The following PHC3 variants were observed in gnomAD, a reference collection of about 807,000 sequenced individuals.
The protein encoded by PHC3 is polyhomeotic-like protein 3.
In PHC3, 13 loss-of-function variants were observed where a neutral mutation model predicts 107.4. The ratio of observed to expected loss-of-function variants is 0.12; its 90% CI spans 0.08 to 0.19. The LOEUF is 0.19. PHC3 is among the 10% of genes least tolerant of loss of function. The pLI, the probability that PHC3 is intolerant of heterozygous loss-of-function variation, is 1.00. For synonymous variants in PHC3, 456 were observed against 427.4 expected, an observed-to-expected ratio of 1.07 and a Z score of -0.83; for missense variants, 992 against 1,210.9, an observed-to-expected ratio of 0.82 and a Z score of 2.68.
At chr3:170,110,426 T>TA (rs1438501802) in intron 11 of PHC3, among the ~76,000 whole-genome samples, 3 of 152,220 alleles carry the variant, frequency 2.0e-5, no homozygotes, top group African/African-American at 7.2e-5. Flanking sequence ...TGCGTTTACT[T>TA]AGTGTTCTAA....
chr3:170,119,381 G>A (rs1719742836), intron 9 of PHC3, among the ~76,000 whole-genome samples: 1 of 152,226 alleles, frequency 6.6e-6, no homozygotes, highest in South Asian at 2.1e-4. Context: ...GTATAATTTG[G>A]TTTGTTCAAG....
rs1024108774 is a variant in PHC3 at position 170,128,303 on chromosome 3, T to C, written c.1788+381A>G. On this transcript the variant is annotated intron_variant, in intron 8 of 14. Transcript: ENST00000495893. ...AGATAAACCATACGTTTTGAGAACA[T>C]ACAAGCCAACAGAAGGGATCTATGA... is the stretch of plus-strand genomic sequence containing the variant. The C allele has an allele frequency of 2.4e-5, 29 of 1,186,222 alleles. No homozygotes were observed. The African/African-American group carries it at 4.5e-4, about 18-fold the overall frequency. 73.5% of individuals were successfully genotyped at this position (1,186,222 alleles called of 1,614,324 possible). A position where few individuals can be genotyped will look rare whatever the true frequency, so the allele number is the denominator to read the frequency against.
chr3:170,151,661 A>G (rs765110909), intron 4 of PHC3, among the ~76,000 whole-genome samples: 9 of 152,200 alleles, frequency 5.9e-5, no homozygotes, highest in South Asian at 2.1e-4. Context: ...GAGCTGCCCA[A>G]TATGTAAGAA....
In PHC3 at chr3:170,092,564, A is replaced by G. The variant is rs1332313188; in HGVS notation, c.*4666T>C. The G allele has an allele frequency of 1.3e-5, 2 of 152,206 alleles. No homozygotes were observed. The highest frequency in any genetic ancestry group is 2.9e-5 in the Non-Finnish European group (2 of 68,032). 9.4% of individuals were successfully genotyped at this position (152,206 alleles called of 1,614,324 possible). A position where few individuals can be genotyped will look rare whatever the true frequency, so the allele number is the denominator to read the frequency against. ...AATCCAGACTAGGAAAGAGAAACCTATAGCTCTTCTTTTCCCAATTCTTAG... is the reference window on the plus strand; with the variant it reads ...AATCCAGACTAGGAAAGAGAAACCTGTAGCTCTTCTTTTCCCAATTCTTAG... On this transcript the variant is annotated 3_prime_UTR_variant, in exon 15 of 15. Coordinates refer to ENST00000495893, the MANE Select transcript of PHC3 (RefSeq NM_024947.4).
intron 14 of PHC3, among the ~76,000 whole-genome samples, chr3:170,100,279 G>A (rs1309003419): frequency 2.0e-5 from 3 of 152,048 alleles, no homozygotes; most frequent in Non-Finnish European, 4.4e-5. Flanking sequence ...GACTACTCAG[G>A]GAAAACAAAC....
At chr3:170,103,044 C>A (rs1715779654) in intron 12 of PHC3, 110 bp from the exon 13 acceptor site, 3 of 1,081,136 alleles carry the variant, frequency 2.8e-6, no homozygotes, top group Non-Finnish European at 4.0e-6. Context: ...CACAATACAT[C>A]ATTAATGAAT....
At chr3:170,105,971 G>A (rs1716422678) in intron 12 of PHC3, among the ~76,000 whole-genome samples, 1 of 152,138 alleles carries the variant, frequency 6.6e-6, no homozygotes, top group African/African-American at 2.4e-5. Context: ...CAGCACTTTG[G>A]GAGGCCAAGG....
At chr3:170,155,143 C>T (rs1726686050) in intron 4 of PHC3, among the ~76,000 whole-genome samples, 1 of 152,250 alleles carries the variant, frequency 6.6e-6, no homozygotes, top group Admixed American at 6.5e-5. Context: ...TAACTCCCAA[C>T]TACCTGTTAA....
chr3:170,126,528 A>ATATATATATAT (rs370421296), intron 8 of PHC3, among the ~76,000 whole-genome samples: 76 of 90,598 alleles, frequency 8.4e-4, no homozygotes, highest in African/African-American at 3.3e-3. Context: ...ATATATATAT[A>ATATATATATAT]TTTTTTTTTT....
chr3:170,125,481 G>A (rs1192776246), intron 8 of PHC3, among the ~76,000 whole-genome samples: 1 of 152,148 alleles, frequency 6.6e-6, no homozygotes, highest in African/African-American at 2.4e-5. Context: ...CAAAGAACAT[G>A]ATCTTTGCTT....
intron 4 of PHC3, 157 bp downstream of exon 4, chr3:170,171,216 G>C: frequency 1.7e-6 from 1 of 604,116 alleles, no homozygotes. Context: ...CATTAGTTCT[G>C]AATTCTTGAA....
chr3:170,091,594 T>C lies in PHC3; in HGVS notation c.*5636A>G, dbSNP rs1714091566. 6.6e-6 allele frequency: 1 copy of C among 152,138 alleles called. No homozygotes were observed. The highest frequency in any genetic ancestry group is 2.1e-4 in the South Asian group (1 of 4,830). The allele number at this position is 152,138 out of a possible 1,614,324, so 9.4% of individuals were successfully genotyped here. Reference sequence around the variant, plus strand: ...CATTTCCCAAATGTTCCCATAAACATGACACTTGGAAGGGGTGTGTGCATG... The same window carrying C: ...CATTTCCCAAATGTTCCCATAAACACGACACTTGGAAGGGGTGTGTGCATG... On this transcript the variant is annotated 3_prime_UTR_variant, in exon 15 of 15. Coordinates refer to ENST00000495893, the MANE Select transcript of PHC3 (RefSeq NM_024947.4).
intron 7 of PHC3, among the ~76,000 whole-genome samples, chr3:170,131,202 T>C (rs537175919): frequency 1.3e-5 from 2 of 150,804 alleles, no homozygotes; most frequent in South Asian, 4.2e-4. Flanking sequence ...TATAAGTATC[T>C]AGGCTAGTAC....
chr3:170,115,604 G>A (rs1553782363), intron 10 of PHC3, among the ~76,000 whole-genome samples: 4 of 152,122 alleles, frequency 2.6e-5, no homozygotes, highest in African/African-American at 9.7e-5. Flanking sequence ...GTTTTATAAT[G>A]TGAAAATAAA....
chr3:170,133,039 CATGTATACT>C (rs1227483251), intron 7 of PHC3, among the ~76,000 whole-genome samples: 1 of 152,012 alleles, frequency 6.6e-6, no homozygotes, highest in East Asian at 1.9e-4. Flanking sequence ...AAACAATAAC[CATGTATACT>C]ATAATAATTA....
chr3:170,101,230 C>G (rs1165979257), intron 14 of PHC3, among the ~76,000 whole-genome samples: 1 of 152,176 alleles, frequency 6.6e-6, no homozygotes, highest in African/African-American at 2.4e-5. Flanking sequence ...TAAACAATTC[C>G]ATCTTTCTTT....
intron 10 of PHC3, among the ~76,000 whole-genome samples, chr3:170,115,692 T>C (rs1718789728): frequency 6.6e-6 from 1 of 152,230 alleles, no homozygotes; most frequent in Non-Finnish European, 1.5e-5. Context: ...GAATAATTTA[T>C]GCACATTTAG....
At chr3:170,153,179 T>C (rs1427285826) in intron 4 of PHC3, among the ~76,000 whole-genome samples, 1 of 152,212 alleles carries the variant, frequency 6.6e-6, no homozygotes, top group African/African-American at 2.4e-5. Context: ...TCTCCTCAAA[T>C]GGCACTGGCA....
Position 170,106,859 on chromosome 3 carries a change from C to A in PHC3, c.2441G>T (p.Arg814Leu). The change falls in exon 12 of 15, where the codon CGA becomes CTA. Residue 814 changes from arginine (R) to leucine (L), a missense_variant. By Grantham distance (102) the Arg-to-Leu change is moderately radical. Coordinates refer to ENST00000495893, the MANE Select transcript of PHC3 (RefSeq NM_024947.4). ...TTTGGCACATGACATAGTGCAGAAT[C>A]GTTTTGACCGCAAAAATTCATTAGC... Reference protein sequence around the residue: ...GYANEFLRSKRFCTMSCAKRY... With the variant: ...GYANEFLRSKLFCTMSCAKRY... The A allele has an allele frequency of 6.2e-7, 1 of 1,611,926 alleles. No individual in the cohort carries two copies. Among genetic ancestry groups the A allele is most frequent in the Non-Finnish European group, 8.5e-7 (1 of 1,179,220 alleles).
Sources: allele counts gnomAD v4.1 joint callset (sites outside exome capture counted in the v4.1 genomes callset), GRCh38; gene constraint gnomAD v4.1.1; transcripts MANE v1.5; gene names NCBI Gene and HGNC (gene_info 2026-07-23, HGNC 2026-07-21).